The following JAKMIP2 variants were observed in gnomAD, a reference collection of about 807,000 sequenced individuals.
The protein encoded by JAKMIP2 is janus kinase and microtubule-interacting protein 2.
In JAKMIP2, 25 loss-of-function variants were observed where a neutral mutation model predicts 115.0. The ratio of observed to expected loss-of-function variants is 0.22; its 90% CI spans 0.16 to 0.30. The LOEUF is 0.30. Among genes scored for constraint, JAKMIP2 ranks in the 10% least tolerant of loss-of-function variants. The probability of loss-of-function intolerance (pLI) is 1.00; values close to 1 mark genes in which losing one functional copy is unlikely to be tolerated. For missense variants in JAKMIP2, 642 were observed against 957.6 expected (o/e 0.67, Z 4.35); for synonymous variants, 334 against 343.6 (o/e 0.97, Z 0.31).
intron 21 of JAKMIP2, among the ~76,000 whole-genome samples, chr5:147,597,451 A>T (rs1316563367): frequency 1.3e-5 from 2 of 152,200 alleles, no homozygotes. Flanking sequence ...ATTTATATAC[A>T]TATATCTCCA....
chr5:147,611,641 T>C (rs1756333253), intron 20 of JAKMIP2, among the ~76,000 whole-genome samples: 1 of 152,190 alleles, frequency 6.6e-6, no homozygotes, highest in Non-Finnish European at 1.5e-5. Context: ...GCCATCTTGC[T>C]CGGGAATTCC....
intron 3 of JAKMIP2, among the ~76,000 whole-genome samples, chr5:147,652,487 TC>T (rs1758452479): frequency 2.0e-5 from 3 of 152,110 alleles, no homozygotes; most frequent in Non-Finnish European, 4.4e-5. Flanking sequence ...ACCAGAATTC[TC>T]TGGGGAAATT....
At chr5:147,642,200 T>C (rs1442999923) in intron 7 of JAKMIP2, among the ~76,000 whole-genome samples, 2 of 152,206 alleles carry the variant, frequency 1.3e-5, no homozygotes, top group Admixed American at 6.5e-5. Context: ...GAAAGCTGTC[T>C]TTGGCCTATT....
intron 20 of JAKMIP2, among the ~76,000 whole-genome samples, chr5:147,609,265 T>C (rs533963038): frequency 3.3e-5 from 5 of 152,228 alleles, no homozygotes; most frequent in Non-Finnish European, 5.9e-5. Context: ...AGTTTCTTCA[T>C]AGCGTTGACG....
intron 3 of JAKMIP2, among the ~76,000 whole-genome samples, chr5:147,651,966 C>T (rs4147462): frequency 0.25 from 38,406 of 152,038 alleles, 6,135 homozygotes; most frequent in East Asian, 0.46. Flanking sequence ...AGTTACTTTT[C>T]ATGAGTTGAC....
intron 1 of JAKMIP2, among the ~76,000 whole-genome samples, chr5:147,743,946 C>T (rs971717804): frequency 6.6e-6 from 1 of 151,866 alleles, no homozygotes; most frequent in Non-Finnish European, 1.5e-5. Flanking sequence ...AGCCAGCTTT[C>T]TTTCCCCTCC....
At chr5:147,690,778 G>C (rs1448172719) in intron 1 of JAKMIP2, among the ~76,000 whole-genome samples, 1 of 151,786 alleles carries the variant, frequency 6.6e-6, no homozygotes, top group Non-Finnish European at 1.5e-5. Flanking sequence ...CCAGTGCTTC[G>C]TGGCTATTGC....
rs569742647 is a variant in JAKMIP2, at chr5:147,716,154, T to A, written c.-148-44200A>T. 4.8e-4 allele frequency among the ~76,000 whole-genome samples: 70 copies of A among 144,896 alleles called. No individual in the cohort carries two copies. In the South Asian group the frequency reaches 6.2e-3, roughly 13 times the overall value. On this transcript the variant is annotated intron_variant, in intron 1 of 21. Coordinates refer to ENST00000616793, the MANE Select transcript of JAKMIP2 (RefSeq NM_001270941.2). ...ATGATGTTTTCCAATTTCATCCATGTCCCTACAAAGGACATGAACTCATCA... is the reference window on the plus strand; with the variant it reads ...ATGATGTTTTCCAATTTCATCCATGACCCTACAAAGGACATGAACTCATCA...
At chr5:147,664,613 C>T (rs998590573) in intron 2 of JAKMIP2, among the ~76,000 whole-genome samples, 1 of 152,172 alleles carries the variant, frequency 6.6e-6, no homozygotes, top group Non-Finnish European at 1.5e-5. Context: ...CAGGACAAAG[C>T]TCATTTCTCC....
At chr5:147,705,642 C>T (rs1358559116) in intron 1 of JAKMIP2, among the ~76,000 whole-genome samples, 3 of 151,982 alleles carry the variant, frequency 2.0e-5, no homozygotes, top group East Asian at 1.9e-4. Context: ...GTCACCTTTC[C>T]GATATGCAAA....
rs59032563 is a variant in JAKMIP2, at chr5:147,751,256, G to GTTTTTTTTTTTTTTTTTTTTTTTT, written c.-149+31199_-149+31200insAAAAAAAAAAAAAAAAAAAAAAAA. 3.0e-5 allele frequency among the ~76,000 whole-genome samples: 4 copies of GTTTTTTTTTTTTTTTTTTTTTTTT among 131,586 alleles called. No homozygotes were observed. The East Asian group carries it at 9.3e-4, about 31-fold the overall frequency. 86.3% of individuals were successfully genotyped at this position (131,586 alleles called of 152,430 possible). On this transcript the variant is annotated intron_variant, in intron 1 of 21. Coordinates refer to ENST00000616793, the MANE Select transcript of JAKMIP2 (RefSeq NM_001270941.2). ...CCGGCTAAGTTGTTTTTTTGTTGTT[G>GTTTTTTTTTTTTTTTTTTTTTTTT]TTTTTTTTTTTTTTTGTATTTTTAG...
chr5:147,650,225 G>C, intron 4 of JAKMIP2, 113 bp downstream of exon 4: 1 of 705,724 alleles, frequency 1.4e-6, no homozygotes, highest in Non-Finnish European at 2.5e-6. Context: ...TATAGTAGAA[G>C]GTAGATTGAT....
chr5:147,647,747 A>G (rs1758196530), intron 5 of JAKMIP2, among the ~76,000 whole-genome samples: 1 of 152,190 alleles, frequency 6.6e-6, no homozygotes. Flanking sequence ...ACTGTTTGGT[A>G]ATAACTATTG....
chr5:147,675,053 G>A (rs1321368881), intron 1 of JAKMIP2, among the ~76,000 whole-genome samples: 1 of 152,168 alleles, frequency 6.6e-6, no homozygotes, highest in Admixed American at 6.5e-5. Context: ...CTCTCCCATT[G>A]TAAATAATGA....
At chr5:147,623,493 A>G (rs1465501403) in intron 17 of JAKMIP2, 128 bp downstream of exon 17, 2 of 581,094 alleles carry the variant, frequency 3.4e-6, no homozygotes, top group Non-Finnish European at 6.1e-6. Flanking sequence ...CATCTTCTGT[A>G]CATAAAATAA....
intron 1 of JAKMIP2, among the ~76,000 whole-genome samples, chr5:147,716,696 G>GT (rs1239585479): frequency 2.0e-5 from 3 of 148,784 alleles, no homozygotes; most frequent in African/African-American, 7.4e-5. Context: ...GGGGTTGTTT[G>GT]TTTTTTTCTT....
chr5:147,630,294 T>C (rs1380624508), intron 14 of JAKMIP2, among the ~76,000 whole-genome samples: 1 of 152,208 alleles, frequency 6.6e-6, no homozygotes, highest in Non-Finnish European at 1.5e-5. Flanking sequence ...TTTACCCTGT[T>C]CCTTGAGTCA....
chr5:147,762,706 G>A (rs1424889599), intron 1 of JAKMIP2, among the ~76,000 whole-genome samples: 1 of 152,106 alleles, frequency 6.6e-6, no homozygotes, highest in Non-Finnish European at 1.5e-5. Flanking sequence ...TTGAAGATTA[G>A]GGCTTCAACA....
At chr5:147,610,357 G>A (rs549913320) in intron 20 of JAKMIP2, among the ~76,000 whole-genome samples, 40 of 152,216 alleles carry the variant, frequency 2.6e-4, no homozygotes, top group African/African-American at 8.9e-4. Context: ...GGTGACCTTC[G>A]GATACAGTTT....
Sources: gnomAD v4.1 joint callset for allele counts (sites outside exome capture counted in the v4.1 genomes callset) on GRCh38, gnomAD v4.1.1 for gene constraint, MANE v1.5 for transcripts, NCBI Gene and HGNC (gene_info 2026-07-23, HGNC 2026-07-21) for gene names.